ZSWIM5: variants seen among roughly 807,000 people sequenced by gnomAD.
The protein encoded by ZSWIM5 is zinc finger SWIM domain-containing protein 5.
Under a neutral mutation model 119.6 loss-of-function variants are expected in ZSWIM5, and 55 were observed. The observed-to-expected ratio is 0.46, with a 90% confidence interval of 0.37 to 0.58. ZSWIM5 has a LOEUF of 0.58. Among genes scored for constraint, ZSWIM5 ranks in the 20% least tolerant of loss-of-function variants. ZSWIM5 has a pLI of 0.00. For synonymous variants in ZSWIM5, 537 were observed against 606.9 expected (o/e 0.88, Z 1.69); for missense variants, 1,193 against 1,512.8 (o/e 0.79, Z 3.51).
intron 2 of ZSWIM5, among the ~76,000 whole-genome samples, chr1:45,068,894 G>A (rs1645202914): frequency 6.8e-6 from 1 of 146,980 alleles, no homozygotes; most frequent in Non-Finnish European, 1.5e-5. Context: ...TCAAACTCCT[G>A]GGCTCAAGCA....
intron 1 of ZSWIM5, among the ~76,000 whole-genome samples, chr1:45,124,075 C>G (rs1645607371): frequency 6.6e-6 from 1 of 151,930 alleles, no homozygotes; most frequent in South Asian, 2.1e-4. Flanking sequence ...GACATTAAAA[C>G]AAATCTGCTG....
chr1:45,107,395 T>G (rs189190147), intron 1 of ZSWIM5, among the ~76,000 whole-genome samples: 3 of 151,876 alleles, frequency 2.0e-5, no homozygotes, highest in Admixed American at 6.6e-5. Flanking sequence ...TCCCAGTACT[T>G]TGGGAGGCTG....
chr1:45,114,264 C>CT (rs1379701427), intron 1 of ZSWIM5, among the ~76,000 whole-genome samples: 1 of 152,038 alleles, frequency 6.6e-6, no homozygotes, highest in Non-Finnish European at 1.5e-5. Context: ...AGGAGAGTAA[C>CT]TAGTTTGCCT....
At chr1:45,116,689 C>T (rs1645560116) in intron 1 of ZSWIM5, among the ~76,000 whole-genome samples, 1 of 152,070 alleles carries the variant, frequency 6.6e-6, no homozygotes, top group Non-Finnish European at 1.5e-5. Context: ...AAGCAATTAC[C>T]TTGAGGAATT....
intron 1 of ZSWIM5, among the ~76,000 whole-genome samples, chr1:45,134,800 T>C (rs2149032090): frequency 1.3e-5 from 2 of 152,330 alleles, no homozygotes; most frequent in East Asian, 1.9e-4. Flanking sequence ...GCCACTTCTA[T>C]GTGAGATACT....
intron 2 of ZSWIM5, among the ~76,000 whole-genome samples, chr1:45,079,083 C>T (rs1645273021): frequency 6.6e-6 from 1 of 152,142 alleles, no homozygotes; most frequent in Non-Finnish European, 1.5e-5. Context: ...TAAATGATGA[C>T]ATTACCTTGT....
At chr1:45,038,907 C>A in intron 8 of ZSWIM5, 29 bp downstream of exon 8, 1 of 1,611,576 alleles carries the variant, frequency 6.2e-7, no homozygotes, top group South Asian at 1.1e-5. Flanking sequence ...CAAGGGCAGT[C>A]TTGGTTTGCC....
At chr1:45,168,966 C>T (rs1041875310) in intron 1 of ZSWIM5, among the ~76,000 whole-genome samples, 1 of 152,076 alleles carries the variant, frequency 6.6e-6, no homozygotes, top group African/African-American at 2.4e-5. Flanking sequence ...TCCCCATAAA[C>T]AACTGAATTT....
At chr1:45,141,060 AT>A (rs1266693754) in intron 1 of ZSWIM5, among the ~76,000 whole-genome samples, 2 of 151,776 alleles carry the variant, frequency 1.3e-5, no homozygotes, top group African/African-American at 4.8e-5. Context: ...AAAATCCCCC[AT>A]TTTTTCCACT....
At chr1:45,041,252 A>G (rs72887092) in intron 6 of ZSWIM5, among the ~76,000 whole-genome samples, 9,807 of 152,240 alleles carry the variant, frequency 0.064, 1,056 homozygotes, top group African/African-American at 0.22. Context: ...ATGTGGCCTA[A>G]GATAGCCTGG....
intron 1 of ZSWIM5, among the ~76,000 whole-genome samples, chr1:45,134,844 T>C (rs1464227751): frequency 5.3e-5 from 8 of 152,232 alleles, no homozygotes; most frequent in East Asian, 1.9e-4. Context: ...ATTTGTCAAT[T>C]AGTGGCTGGC....
chr1:45,206,055 T>C lies in ZSWIM5; in HGVS notation c.296A>G (p.Tyr99Cys). Residue 99 changes from tyrosine (Y) to cysteine (C), a missense_variant, in exon 1 of 14, where the codon TAC (tyrosine) becomes TGC (cysteine). Physicochemically the swap from Tyr to Cys is radical, Grantham distance 194 (BLOSUM62 -2). This residue lies in a region of ZSWIM5 where 232 missense variants were observed against 222.9 expected (regional missense o/e 1.04). Transcript: ENST00000359600. ...CCGCTCATTCCGCGGGAAGGACCAG[T>C]AGACGATGCGGCGCTGCACGGGCTC... Reference protein sequence around the residue: ...IPEPVQRRIVYWSFPRNEREI... With the variant: ...IPEPVQRRIVCWSFPRNEREI... 6.2e-7 allele frequency: 1 copy of C among 1,610,800 alleles called. No homozygotes were observed. The highest frequency in any genetic ancestry group is 8.5e-7 in the Non-Finnish European group (1 of 1,178,964).
At position 45,018,071 on chromosome 1, in the gene ZSWIM5, T is replaced by G; in HGVS notation, c.*383A>C. 4.3e-6 allele frequency: 1 copy of G among 230,572 alleles called. No homozygotes were observed. The highest frequency in any genetic ancestry group is 1.0e-4 in the East Asian group (1 of 9,930). The allele number at this position is 230,572 out of a possible 1,614,324, so 14.3% of individuals were successfully genotyped here. On this transcript the variant is annotated 3_prime_UTR_variant, in exon 14 of 14. Transcript: ENST00000359600. The surrounding 1 kb of genome is among the most constrained non-coding windows in gnomAD (Gnocchi z 6.7). ...CAAGTTTACAATAATTAGCAACACA[T>G]ATAGTATTTACAGTCCCACAAATGT... is the stretch of plus-strand genomic sequence containing the variant.
intron 1 of ZSWIM5, among the ~76,000 whole-genome samples, chr1:45,183,929 G>A (rs1036052023): frequency 1.3e-5 from 2 of 152,044 alleles, no homozygotes. Context: ...TACCAAAGCC[G>A]GGCAGAGACA....
chr1:45,125,004 T>C (rs1326789377), intron 1 of ZSWIM5, among the ~76,000 whole-genome samples: 1 of 152,156 alleles, frequency 6.6e-6, no homozygotes, highest in African/African-American at 2.4e-5. Flanking sequence ...AATACCTCTC[T>C]CAGCAACTGA....
At chr1:45,196,040 T>G (rs1646120546) in intron 1 of ZSWIM5, among the ~76,000 whole-genome samples, 1 of 144,508 alleles carries the variant, frequency 6.9e-6, no homozygotes, top group Non-Finnish European at 1.5e-5. Flanking sequence ...GCTAGTTTTT[T>G]TTTTTTTTTT....
intron 2 of ZSWIM5, among the ~76,000 whole-genome samples, chr1:45,061,164 A>C (rs1162348645): frequency 2.0e-5 from 3 of 152,178 alleles, no homozygotes; most frequent in African/African-American, 4.8e-5. Flanking sequence ...TCACAGTTGA[A>C]TCCCCAGTTG....
intron 1 of ZSWIM5, among the ~76,000 whole-genome samples, chr1:45,155,943 T>C (rs1645824555): frequency 6.6e-6 from 1 of 152,016 alleles, no homozygotes; most frequent in Non-Finnish European, 1.5e-5. Context: ...TGTATACTGC[T>C]CAGGTGATGG....
At chr1:45,054,844 A>G (rs1036897711) in intron 4 of ZSWIM5, among the ~76,000 whole-genome samples, 6 of 151,994 alleles carry the variant, frequency 3.9e-5, no homozygotes. Context: ...TTCTTGAGCA[A>G]TGATGGAGTC....
Sources: gnomAD v4.1 joint callset for allele counts (sites outside exome capture counted in the v4.1 genomes callset) on GRCh38, gnomAD v4.1.1 for gene constraint, gnomAD v4.1.1 regional missense constraint, Gnocchi (gnomAD v3.1) non-coding constraint, MANE v1.5 for transcripts, NCBI Gene and HGNC (gene_info 2026-07-23, HGNC 2026-07-21) for gene names.